The following CACNA2D1 variants were observed in gnomAD, a reference collection of about 807,000 sequenced individuals.
CACNA2D1 encodes calcium voltage-gated channel auxiliary subunit alpha2delta 1.
A neutral mutation model predicts 171.5 loss-of-function variants in CACNA2D1; 53 were observed. The ratio of observed to expected loss-of-function variants is 0.31; its 90% CI spans 0.25 to 0.39. The LOEUF (loss-of-function observed/expected upper bound fraction) is 0.39, where lower values mean the gene tolerates loss of function less well. CACNA2D1 is among the 10% of genes least tolerant of loss of function. CACNA2D1 has a pLI of 1.00. For synonymous variants in CACNA2D1, 442 were observed against 443.1 expected (o/e 1.00, Z 0.03); for missense variants, 903 against 1,299.8 (o/e 0.69, Z 4.69).
intron 3 of CACNA2D1, among the ~76,000 whole-genome samples, chr7:82,296,266 TA>T (rs548667970): frequency 1.9e-3 from 275 of 145,562 alleles, no homozygotes; most frequent in African/African-American, 5.2e-3. Flanking sequence ...TAATAATAAT[TA>T]AAAAAAAAAA....
At chr7:82,303,153 C>T (rs1416031910) in intron 3 of CACNA2D1, among the ~76,000 whole-genome samples, 2 of 152,082 alleles carry the variant, frequency 1.3e-5, no homozygotes, top group African/African-American at 4.8e-5. Context: ...GCCACCATGC[C>T]CAGCTAATTT....
intron 2 of CACNA2D1, among the ~76,000 whole-genome samples, chr7:82,342,214 A>G (rs1393528325): frequency 6.6e-6 from 1 of 151,948 alleles, no homozygotes; most frequent in Non-Finnish European, 1.5e-5. Flanking sequence ...TTTGCTACTT[A>G]TAAGCATGTG....
Position 82,371,199 on chromosome 7 carries a change from C to A in CACNA2D1, c.96-21550G>T, listed in dbSNP as rs549780266. Reference sequence around the variant, plus strand: ...AATAGAAATATTAAAGGCTAATTCACACCTAGTCACAGAAAGAGTGTACTA... The same window carrying A: ...AATAGAAATATTAAAGGCTAATTCAAACCTAGTCACAGAAAGAGTGTACTA... On this transcript the variant is annotated intron_variant, in intron 1 of 38. Transcript: ENST00000356860. Among the ~76,000 whole-genome samples the A allele has an allele frequency of 2.4e-4, 36 of 152,284 alleles. 2 individuals are homozygous for A. The South Asian group carries it at 7.1e-3, about 30-fold the overall frequency.
intron 3 of CACNA2D1, among the ~76,000 whole-genome samples, chr7:82,282,441 G>A (rs1810235283): frequency 6.6e-6 from 1 of 152,182 alleles, no homozygotes; most frequent in Non-Finnish European, 1.5e-5. Flanking sequence ...AAAAATCTAT[G>A]TGAAAGTTGT....
At chr7:82,117,851 CCTAA>C (rs750297719) in intron 5 of CACNA2D1, among the ~76,000 whole-genome samples, 23 of 151,952 alleles carry the variant, frequency 1.5e-4, no homozygotes, top group African/African-American at 4.4e-4. Context: ...TTAAATACAA[CCTAA>C]CTAATATTAT....
At chr7:82,138,692 C>T (rs1407302880) in intron 4 of CACNA2D1, among the ~76,000 whole-genome samples, 2 of 151,976 alleles carry the variant, frequency 1.3e-5, no homozygotes, top group African/African-American at 4.8e-5. Flanking sequence ...GTGATCCGCC[C>T]GCCTCAGCCT....
intron 15 of CACNA2D1, among the ~76,000 whole-genome samples, chr7:82,011,280 TA>T (rs909172328): frequency 6.6e-6 from 1 of 152,024 alleles, no homozygotes; most frequent in Non-Finnish European, 1.5e-5. Context: ...TTGAGATTTT[TA>T]AAAAAGCAAA....
At chr7:81,971,936 T>TGC in intron 25 of CACNA2D1, 72 bp from the exon 26 acceptor site, 1 of 986,868 alleles carries the variant, frequency 1.0e-6, no homozygotes, top group Non-Finnish European at 1.6e-6. Flanking sequence ...ATATATTTTC[T>TGC]ATTTCCAAAA....
chr7:82,340,979 T>C (rs1818558091), intron 2 of CACNA2D1, among the ~76,000 whole-genome samples: 1 of 152,212 alleles, frequency 6.6e-6, no homozygotes, highest in African/African-American at 2.4e-5. Flanking sequence ...AAGGGATTCA[T>C]TGTCACCTCT....
intron 5 of CACNA2D1, among the ~76,000 whole-genome samples, chr7:82,126,690 C>T (rs936706419): frequency 6.6e-6 from 1 of 152,176 alleles, no homozygotes; most frequent in African/African-American, 2.4e-5. Context: ...ATCAGGCCTC[C>T]AAGGAACTGA....
At chr7:81,966,799 T>A (rs997962129) in intron 31 of CACNA2D1, among the ~76,000 whole-genome samples, 2 of 151,414 alleles carry the variant, frequency 1.3e-5, no homozygotes, top group Non-Finnish European at 3.0e-5. Flanking sequence ...TTAGAGAAAG[T>A]GTGATAGGTG....
intron 11 of CACNA2D1, 108 bp from the exon 12 acceptor site, chr7:82,033,009 A>G: frequency 4.3e-6 from 3 of 693,490 alleles, no homozygotes; most frequent in Non-Finnish European, 7.8e-6. Context: ...TTAATGAAAT[A>G]TCTGCTCACA....
intron 1 of CACNA2D1, among the ~76,000 whole-genome samples, chr7:82,436,251 T>C: frequency 6.6e-6 from 1 of 152,276 alleles, no homozygotes; most frequent in Non-Finnish European, 1.5e-5. Context: ...AAAAATAAAA[T>C]GTACTATTTA....
rs549771964 is a variant in CACNA2D1, at chr7:82,115,528, C to T, written c.526+1516G>A. ...CATGTAAAAAGAAACTATATCTATA[C>T]ACACACACACATATATATACACATA... On this transcript the variant is annotated intron_variant, in intron 6 of 38. Transcript: ENST00000356860. Among the ~76,000 whole-genome samples the T allele has an allele frequency of 2.5e-3, 375 of 151,620 alleles. 4 individuals are homozygous for T. The South Asian group carries it at 0.027, about 11-fold the overall frequency.
At chr7:82,084,687 A>T in intron 7 of CACNA2D1, 82 bp downstream of exon 7, 1 of 1,444,816 alleles carries the variant, frequency 6.9e-7, no homozygotes, top group Non-Finnish European at 9.7e-7. Context: ...TATTTTTCTT[A>T]CAGTATCAGG....
rs78301959 is a variant in CACNA2D1 at position 82,186,865 on chromosome 7, T to C, written c.295-16256A>G. 6.8e-3 allele frequency among the ~76,000 whole-genome samples: 1,028 copies of C among 152,292 alleles called. 9 individuals carry two copies. Among genetic ancestry groups the C allele is most frequent in the African/African-American group, 0.024 (988 of 41,560 alleles). On this transcript the variant is annotated intron_variant, in intron 3 of 38. Coordinates refer to ENST00000356860, the MANE Select transcript of CACNA2D1 (RefSeq NM_000722.4). ...TGAATGTGGCTTTCCACTCATTACA[T>C]ATAATCTCTAAGCCATACCTTCTTC...
Position 81,967,170 on chromosome 7 carries a change from T to A in CACNA2D1, c.2501A>T (p.Asp834Val). ...AGTGATTTTAAATAGTTTTCTTACG[T>A]CACTGTTTCTTTTGCAGTCACAAAC... The part of the protein sequence containing the change: ...GPVCDCKRNS[D>V]VMDCVILDDG... The change falls in exon 31 of 39, where the codon GAC becomes GTC. Residue 834 changes from aspartate (D) to valine (V), a missense_variant and splice_region_variant. Transcript: ENST00000356860. 6.2e-7 allele frequency: 1 copy of A among 1,604,902 alleles called. No individual in the cohort carries two copies. Among genetic ancestry groups the A allele is most frequent in the Non-Finnish European group, 8.5e-7 (1 of 1,173,062 alleles).
chr7:82,318,657 AC>A (rs1815404069), intron 3 of CACNA2D1, among the ~76,000 whole-genome samples: 1 of 152,180 alleles, frequency 6.6e-6, no homozygotes, highest in South Asian at 2.1e-4. Flanking sequence ...AAAATAAGCT[AC>A]CATTATCACT....
At chr7:82,300,725 G>A (rs762040599) in intron 3 of CACNA2D1, among the ~76,000 whole-genome samples, 2 of 151,754 alleles carry the variant, frequency 1.3e-5, no homozygotes, top group Non-Finnish European at 2.9e-5. Context: ...TCAGAATACT[G>A]AGAATTCAAA....
Sources: gnomAD v4.1 joint callset for allele counts (sites outside exome capture counted in the v4.1 genomes callset) on GRCh38, gnomAD v4.1.1 for gene constraint, MANE v1.5 for transcripts, NCBI Gene and HGNC (gene_info 2026-07-23, HGNC 2026-07-21) for gene names.